Variants in ARHGAP24 observed in about 807,000 individuals in gnomAD.
ARHGAP24 encodes Rho GTPase activating protein 24.
ARHGAP24 carries 50 observed loss-of-function variants against 76.4 expected under a neutral mutation model. The ratio of observed to expected loss-of-function variants is 0.65; its 90% CI spans 0.52 to 0.83. The LOEUF is 0.83. Ranked by LOEUF, ARHGAP24 falls within the 40% of genes least tolerant of loss-of-function variation. ARHGAP24 has a pLI of 0.00. For synonymous variants in ARHGAP24, 345 were observed against 323.3 expected, an observed-to-expected ratio of 1.07 and a Z score of -0.72; for missense variants, 930 against 914.2, an observed-to-expected ratio of 1.02 and a Z score of -0.22.
intron 2 of ARHGAP24, among the ~76,000 whole-genome samples, chr4:85,662,861 T>G (rs1318939852): frequency 6.6e-6 from 1 of 152,154 alleles, no homozygotes; most frequent in Non-Finnish European, 1.5e-5. Flanking sequence ...GGCTCTGTTC[T>G]CTTCCATTGA....
At chr4:85,761,626 C>T (rs534809275) in intron 3 of ARHGAP24, among the ~76,000 whole-genome samples, 3 of 152,036 alleles carry the variant, frequency 2.0e-5, no homozygotes, top group Admixed American at 6.6e-5. Flanking sequence ...CATGTGATTC[C>T]AATGTGTGGG....
At chr4:85,930,828 CA>C in intron 4 of ARHGAP24, 1 of 1,575,534 alleles carries the variant, frequency 6.3e-7, no homozygotes, top group Non-Finnish European at 8.6e-7. Context: ...ATCAGCACTT[CA>C]AAAATAACAA....
At chr4:85,982,920 T>C (rs1739758633) in intron 8 of ARHGAP24, among the ~76,000 whole-genome samples, 2 of 151,904 alleles carry the variant, frequency 1.3e-5, no homozygotes, top group Non-Finnish European at 2.9e-5. Context: ...TGTTTTCCCT[T>C]CCCCCCCTTC....
At chr4:85,813,802 TA>T (rs1470318695) in intron 3 of ARHGAP24, among the ~76,000 whole-genome samples, 1 of 124,902 alleles carries the variant, frequency 8.0e-6, no homozygotes, top group Non-Finnish European at 1.6e-5. Flanking sequence ...GTTATATAAA[TA>T]TATATATATT....
At chr4:85,521,155 T>C (rs952458839) in intron 1 of ARHGAP24, among the ~76,000 whole-genome samples, 7 of 152,128 alleles carry the variant, frequency 4.6e-5, no homozygotes, top group African/African-American at 1.4e-4. Context: ...ATGGTCTTTT[T>C]CCCAAACCCT....
chr4:85,552,351 T>C (rs552409877), intron 1 of ARHGAP24, among the ~76,000 whole-genome samples: 5 of 152,306 alleles, frequency 3.3e-5, no homozygotes, highest in Admixed American at 2.6e-4. Context: ...TTTCTTAGTA[T>C]TGATTTCTAT....
intron 2 of ARHGAP24, among the ~76,000 whole-genome samples, chr4:85,698,263 C>G (rs181743641): frequency 1.5e-4 from 23 of 152,192 alleles, no homozygotes; most frequent in African/African-American, 5.3e-4. Context: ...ACTGCTGGAC[C>G]CATGGAAGGT....
intron 3 of ARHGAP24, among the ~76,000 whole-genome samples, chr4:85,723,052 A>T (rs1578172522): frequency 6.6e-6 from 1 of 152,304 alleles, no homozygotes; most frequent in South Asian, 2.1e-4. Flanking sequence ...CCCTCCAGGG[A>T]GAACATATTT....
At chr4:85,679,400 C>G (rs1723118174) in intron 2 of ARHGAP24, among the ~76,000 whole-genome samples, 1 of 152,262 alleles carries the variant, frequency 6.6e-6, no homozygotes, top group Admixed American at 6.5e-5. Context: ...GCCCTCTGAA[C>G]AGCCGTGCCA....
At chr4:85,928,713 C>T (rs1369454400) in intron 4 of ARHGAP24, among the ~76,000 whole-genome samples, 2 of 152,158 alleles carry the variant, frequency 1.3e-5, no homozygotes, top group African/African-American at 4.8e-5. Flanking sequence ...CCACCCGCCT[C>T]AGCCTCCCAA....
intron 1 of ARHGAP24, among the ~76,000 whole-genome samples, chr4:85,550,141 G>A (rs1003988143): frequency 1.1e-4 from 17 of 152,154 alleles, no homozygotes; most frequent in Non-Finnish European, 2.1e-4. Flanking sequence ...GCTGTATTGA[G>A]TAGTAATTCT....
chr4:85,759,520 G>C (rs192228968), intron 3 of ARHGAP24, among the ~76,000 whole-genome samples: 1 of 152,274 alleles, frequency 6.6e-6, no homozygotes, highest in African/African-American at 2.4e-5. Context: ...AAGACTTTAT[G>C]CAGAGTCTAG....
At chr4:85,505,221 G>C (rs530368278) in intron 1 of ARHGAP24, among the ~76,000 whole-genome samples, 2 of 152,288 alleles carry the variant, frequency 1.3e-5, no homozygotes, top group South Asian at 4.1e-4. Flanking sequence ...TTCTCGAGGA[G>C]TATCTTTGTG....
chr4:85,918,524 T>G (rs1202538074), intron 3 of ARHGAP24, among the ~76,000 whole-genome samples: 1 of 152,080 alleles, frequency 6.6e-6, no homozygotes, highest in East Asian at 1.9e-4. Context: ...TAATGGATAT[T>G]TACATTTCAT....
At chr4:85,693,112 C>CAATTAAGAG (rs1333989644) in intron 2 of ARHGAP24, among the ~76,000 whole-genome samples, 2 of 152,144 alleles carry the variant, frequency 1.3e-5, no homozygotes, top group African/African-American at 4.8e-5. Flanking sequence ...CAGTAGATGG[C>CAATTAAGAG]AATTAAGAGT....
At chr4:85,808,843 C>CA (rs11383338) in intron 3 of ARHGAP24, among the ~76,000 whole-genome samples, 35,289 of 147,160 alleles carry the variant, frequency 0.24, 4,649 homozygotes, top group East Asian at 0.46. Flanking sequence ...AGTAAAACAG[C>CA]AAAAAAAAAA....
At chr4:85,680,280 A>G (rs1027459601) in intron 2 of ARHGAP24, among the ~76,000 whole-genome samples, 5 of 152,218 alleles carry the variant, frequency 3.3e-5, no homozygotes, top group African/African-American at 1.2e-4. Context: ...TCAAAACAAA[A>G]ATAAATTTAA....
Position 85,668,922 on chromosome 4 carries a change from A to G in ARHGAP24, c.181-52963A>G, listed in dbSNP as rs145892598. On this transcript the variant is annotated intron_variant, in intron 2 of 9. Coordinates refer to ENST00000395184, the MANE Select transcript of ARHGAP24 (RefSeq NM_001025616.3). ...AGGTCAGTTACAAACCTGGTGAAGT[A>G]ACTAAGACAGGAGAGTCTGAACTAA... Among the ~76,000 whole-genome samples, 240 of 152,338 alleles carry G rather than the reference A, an allele frequency of 1.6e-3. 1 individual carries two copies. The highest frequency in any genetic ancestry group is 5.5e-3 in the African/African-American group (227 of 41,588).
chr4:85,695,310 G>A (rs1021768925), intron 2 of ARHGAP24, among the ~76,000 whole-genome samples: 5 of 152,170 alleles, frequency 3.3e-5, no homozygotes, highest in African/African-American at 1.2e-4. Context: ...CCTAGATCAT[G>A]GCATGTGCCC....
Sources: allele counts gnomAD v4.1 joint callset (sites outside exome capture counted in the v4.1 genomes callset), GRCh38; gene constraint gnomAD v4.1.1; transcripts MANE v1.5; gene names NCBI Gene and HGNC (gene_info 2026-07-23, HGNC 2026-07-21).